ATP2B2: variants seen among roughly 807,000 people sequenced by gnomAD.
ATP2B2 encodes the protein ATPase plasma membrane Ca2+ transporting 2.
Under a neutral mutation model 120.0 loss-of-function variants are expected in ATP2B2, and 15 were observed. The ratio of observed to expected loss-of-function variants is 0.12; its 90% confidence interval spans 0.08 to 0.19. The LOEUF (loss-of-function observed/expected upper bound fraction) is 0.19, where lower values mean the gene tolerates loss of function less well. Ranked by LOEUF, ATP2B2 falls within the 10% of genes least tolerant of loss-of-function variation. The probability of loss-of-function intolerance (pLI) is 1.00; values close to 1 mark genes in which losing one functional copy is unlikely to be tolerated. For missense variants in ATP2B2, 1,045 were observed against 1,719.8 expected (o/e 0.61, Z 6.94); for synonymous variants, 694 against 700.3 (o/e 0.99, Z 0.14).
chr3:10,642,673 A>T (rs1458503969), intron 1 of ATP2B2, among the ~76,000 whole-genome samples: 2 of 143,142 alleles, frequency 1.4e-5, no homozygotes, highest in African/African-American at 5.9e-5. Context: ...ACAGGTATGC[A>T]TAGAGATTTA....
intron 14 of ATP2B2, among the ~76,000 whole-genome samples, chr3:10,354,570 C>T (rs1574991358): frequency 6.6e-6 from 1 of 152,170 alleles, no homozygotes; most frequent in Non-Finnish European, 1.5e-5. Flanking sequence ...AATCCCAGAC[C>T]GCTGCTCTCC....
intron 2 of ATP2B2, among the ~76,000 whole-genome samples, chr3:10,561,134 C>T (rs1426429562): frequency 6.6e-6 from 1 of 152,188 alleles, no homozygotes; most frequent in Non-Finnish European, 1.5e-5. Context: ...GTGTAGTTAT[C>T]TGTGTGATGA....
chr3:10,412,522 A>G (rs1443715840), intron 2 of ATP2B2, among the ~76,000 whole-genome samples: 3 of 152,064 alleles, frequency 2.0e-5, no homozygotes, highest in Non-Finnish European at 4.4e-5. Flanking sequence ...CCTGCTGTTC[A>G]GCAAACCGGG....
chr3:10,420,731 C>T (rs536180818), intron 2 of ATP2B2, among the ~76,000 whole-genome samples: 3 of 152,194 alleles, frequency 2.0e-5, no homozygotes, highest in Non-Finnish European at 2.9e-5. Flanking sequence ...TAAACGAGGT[C>T]GCATCTGGGC....
chr3:10,574,805 A>C (rs117251804), intron 2 of ATP2B2, among the ~76,000 whole-genome samples: 3,256 of 152,170 alleles, frequency 0.021, 60 homozygotes, highest in South Asian at 0.047. Flanking sequence ...GGGAAGGAGG[A>C]GTGGACTACT....
In ATP2B2 at chr3:10,485,611, A is replaced by T. The variant is rs573653584; in HGVS notation, c.-320+19854T>A. ...CAAAGACACCAAATTTACTCTGCTC[A>T]CTGCCAGATTTTCTCCAGAGAAGGG... On this transcript the variant is annotated intron_variant, in intron 1 of 22. Transcript: ENST00000360273. 2.6e-5 allele frequency among the ~76,000 whole-genome samples: 4 copies of T among 152,330 alleles called. No individual in the cohort carries two copies. The South Asian group carries it at 8.3e-4, about 32-fold the overall frequency.
At chr3:10,601,531 C>A (rs1178826705) in intron 2 of ATP2B2, among the ~76,000 whole-genome samples, 1 of 152,188 alleles carries the variant, frequency 6.6e-6, no homozygotes, top group African/African-American at 2.4e-5. Context: ...TAATTTGAAC[C>A]CCTGATTGTG....
Position 10,339,784 on chromosome 3 carries a change from C to T in ATP2B2, c.3237+458G>A, listed in dbSNP as rs145545797. ...TTGACGCCAGCCGGCCACCAGCGCC[C>T]GCAGACCACTGATTCATCTCCCTTC... On this transcript the variant is annotated intron_variant, in intron 21 of 22. Coordinates refer to ENST00000360273, the MANE Select transcript of ATP2B2 (RefSeq NM_001001331.4). 4.5e-4 allele frequency among the ~76,000 whole-genome samples: 69 copies of T among 152,314 alleles called. 1 individual carries two copies. Among genetic ancestry groups the T allele is most frequent in the African/African-American group, 1.6e-3 (66 of 41,572 alleles).
chr3:10,366,001 C>T (rs962717957), intron 12 of ATP2B2, among the ~76,000 whole-genome samples: 1 of 152,044 alleles, frequency 6.6e-6, no homozygotes, highest in Non-Finnish European at 1.5e-5. Context: ...AAGCAAAACC[C>T]TTGTTGAATT....
chr3:10,640,772 G>A (rs1191691519), intron 1 of ATP2B2, among the ~76,000 whole-genome samples: 2 of 151,872 alleles, frequency 1.3e-5, no homozygotes, highest in South Asian at 4.2e-4. Context: ...AGAGTAACAC[G>A]GAGGCATGGT....
intron 1 of ATP2B2, among the ~76,000 whole-genome samples, chr3:10,481,189 T>G (rs1559391049): frequency 3.3e-5 from 5 of 152,244 alleles, no homozygotes; most frequent in Admixed American, 2.6e-4. Flanking sequence ...TCCCAATTTT[T>G]TTCTGTTAGG....
intron 1 of ATP2B2, among the ~76,000 whole-genome samples, chr3:10,673,399 CAGAG>C (rs142070938): frequency 4.3e-5 from 6 of 139,694 alleles, no homozygotes; most frequent in South Asian, 2.3e-4. Flanking sequence ...AAGGAAGAGA[CAGAG>C]AGAGAGAGAG....
At chr3:10,628,770 G>A (rs141078609) in intron 1 of ATP2B2, among the ~76,000 whole-genome samples, 1 of 152,302 alleles carries the variant, frequency 6.6e-6, no homozygotes, top group East Asian at 1.9e-4. Context: ...GTTGATGCTG[G>A]TTATTTCTGG....
intron 2 of ATP2B2, among the ~76,000 whole-genome samples, chr3:10,597,396 C>A (rs1162743980): frequency 1.3e-5 from 2 of 151,836 alleles, no homozygotes; most frequent in Non-Finnish European, 2.9e-5. Flanking sequence ...GGCACAGAGG[C>A]ACACACACAG....
rs539511605 is a variant in ATP2B2, at chr3:10,403,580, C to T, written c.398-1232G>A. On this transcript the variant is annotated intron_variant, in intron 3 of 22. Transcript: ENST00000360273. ...GGTGAGGTGCCACAGCCAGGACGCA[C>T]CCAGGCCTTCATTTCCTCTGGGACC... 4.4e-4 allele frequency among the ~76,000 whole-genome samples: 67 copies of T among 152,354 alleles called. 1 individual carries two copies. The South Asian group carries it at 6.8e-3, about 16-fold the overall frequency.
chr3:10,471,862 C>T (rs143477098), intron 1 of ATP2B2, among the ~76,000 whole-genome samples: 6,202 of 151,728 alleles, frequency 0.041, 420 homozygotes, highest in African/African-American at 0.14. Flanking sequence ...GGGCGGATAA[C>T]GAGGTCAGGA....
At chr3:10,579,419 T>A (rs569457359) in intron 2 of ATP2B2, among the ~76,000 whole-genome samples, 1 of 152,182 alleles carries the variant, frequency 6.6e-6, no homozygotes, top group Admixed American at 6.5e-5. Flanking sequence ...ACGCCTGTAA[T>A]CCCAGCACTT....
At chr3:10,543,990 C>T (rs970943688) in intron 2 of ATP2B2, among the ~76,000 whole-genome samples, 11 of 152,266 alleles carry the variant, frequency 7.2e-5, no homozygotes, top group East Asian at 1.9e-4. Context: ...CCGCTTGCCT[C>T]GGCCTCCCAA....
intron 2 of ATP2B2, among the ~76,000 whole-genome samples, chr3:10,591,323 C>T (rs1250931137): frequency 1.3e-5 from 2 of 152,168 alleles, no homozygotes; most frequent in Non-Finnish European, 2.9e-5. Context: ...CCTCATCAAT[C>T]TGTCCTCCAT....
Sources: allele counts gnomAD v4.1 joint callset (sites outside exome capture counted in the v4.1 genomes callset), GRCh38; gene constraint gnomAD v4.1.1; transcripts MANE v1.5; gene names NCBI Gene and HGNC (gene_info 2026-07-23, HGNC 2026-07-21).